Variants in CNR2 observed in about 807,000 individuals in gnomAD.
CNR2 encodes the protein cannabinoid receptor 2.
For synonymous variants in CNR2, 172 were observed against 182.2 expected (o/e 0.94, Z 0.45); for missense variants, 379 against 439.9 (o/e 0.86, Z 1.24).
intron 1 of CNR2, chr1:23,902,614 A>C (rs1432821729): frequency 3.7e-6 from 6 of 1,602,638 alleles, no homozygotes; most frequent in Non-Finnish European, 5.1e-6. Flanking sequence ...ACGGAGCTGC[A>C]GACAGCCAGG....
chr1:23,898,334 GCTTTTT>G (rs1203773609), intron 1 of CNR2, among the ~76,000 whole-genome samples: 57 of 4,750 alleles, frequency 0.012, 1 homozygote, highest in African/African-American at 0.028. Context: ...ACCGCGCCCG[GCTTTTT>G]TTTTTTTTTT....
At chr1:23,883,702 G>A (rs1253423937) in intron 1 of CNR2, among the ~76,000 whole-genome samples, 1 of 152,056 alleles carries the variant, frequency 6.6e-6, no homozygotes, top group Non-Finnish European at 1.5e-5. Flanking sequence ...GTGTGCGCCT[G>A]TAGTCCCACC....
rs1639807935 is a variant in CNR2, at chr1:23,873,723, T to G, written c.*812A>C. 1 of 152,166 alleles carries G rather than the reference T, an allele frequency of 6.6e-6. No homozygotes were observed. Among genetic ancestry groups the G allele is most frequent in the African/African-American group, 2.4e-5 (1 of 41,416 alleles). The allele number at this position is 152,166 out of a possible 1,614,324, so 9.4% of individuals were successfully genotyped here. A position where few individuals can be genotyped will look rare whatever the true frequency, so the allele number is the denominator to read the frequency against. ...GCAGATAGGGGAACAGTTTGGAGAT[T>G]TATACAATCTTTGTGAATATCTTCC... On this transcript the variant is annotated 3_prime_UTR_variant, in exon 2 of 2. Coordinates refer to ENST00000374472, the MANE Select transcript of CNR2 (RefSeq NM_001841.3).
Position 23,902,350 on chromosome 1 carries a change from G to A in CNR2, c.-46+10896C>T, listed in dbSNP as rs564372123. The A allele has an allele frequency of 1.1e-5, 18 of 1,576,480 alleles. No individual in the cohort carries two copies. In the East Asian group the frequency reaches 2.9e-4, roughly 26 times the overall value. ...GTCAGGTCGGGCTCCTCAAACAGCC[G>A]GCTCTGGGACAGCAGGACGCAGGCG... On this transcript the variant is annotated intron_variant, in intron 1 of 1. Transcript: ENST00000374472.
chr1:23,883,861 A>C (rs1640034642), intron 1 of CNR2, among the ~76,000 whole-genome samples: 1 of 145,752 alleles, frequency 6.9e-6, no homozygotes, highest in African/African-American at 2.6e-5. Flanking sequence ...CAAAAACAAA[A>C]AAACCCCCCA....
At chr1:23,893,003 G>A (rs550712814) in intron 1 of CNR2, among the ~76,000 whole-genome samples, 16 of 152,272 alleles carry the variant, frequency 1.1e-4, no homozygotes, top group African/African-American at 2.4e-4. Flanking sequence ...GCGACAGAGC[G>A]AGACTCTGTC....
At chr1:23,888,639 C>T (rs749498055) in intron 1 of CNR2, among the ~76,000 whole-genome samples, 6 of 151,976 alleles carry the variant, frequency 3.9e-5, no homozygotes, top group Non-Finnish European at 7.4e-5. Context: ...AAAAGAGAAG[C>T]GGGAGTCTTT....
Position 23,875,350 on chromosome 1 carries a change from T to C in CNR2, c.268A>G (p.Ser90Gly), listed in dbSNP as rs2148456155. ...DFLASVVFACSFVNFHVFHGV... is the reference protein window; with the variant it reads ...DFLASVVFACGFVNFHVFHGV... Reference sequence around the variant, plus strand: ...TGGAAAACATGGAAATTCACAAAGCTGCATGCAAAGACCACACTGGCCAGG... The same window carrying C: ...TGGAAAACATGGAAATTCACAAAGCCGCATGCAAAGACCACACTGGCCAGG... The change falls in exon 2 of 2, where the codon AGC becomes GGC. Residue 90 changes from serine to glycine, a missense_variant. By Grantham distance (56) the Ser-to-Gly change is moderately conservative. Coordinates refer to ENST00000374472, the MANE Select transcript of CNR2 (RefSeq NM_001841.3). 1 of 1,614,210 alleles carries C rather than the reference T, an allele frequency of 6.2e-7. No homozygotes were observed. Among genetic ancestry groups the C allele is most frequent in the Non-Finnish European group, 8.5e-7 (1 of 1,180,040 alleles).
chr1:23,903,237 C>CT (rs1268242927), intron 1 of CNR2, among the ~76,000 whole-genome samples: 1 of 152,182 alleles, frequency 6.6e-6, no homozygotes, highest in Admixed American at 6.5e-5. Context: ...GGTATTCTCT[C>CT]TGACACATGC....
At chr1:23,898,401 G>A (rs2148467599) in intron 1 of CNR2, among the ~76,000 whole-genome samples, 1 of 129,830 alleles carries the variant, frequency 7.7e-6, no homozygotes, top group East Asian at 2.3e-4. Context: ...GAGTGCAGTG[G>A]TATGATCTCA....
chr1:23,891,445 C>G lies in CNR2; in HGVS notation c.-45-15783G>C, dbSNP rs1027929302. 5.9e-5 allele frequency among the ~76,000 whole-genome samples: 9 copies of G among 151,742 alleles called. No homozygotes were observed. The South Asian group carries it at 6.2e-4, about 11-fold the overall frequency. On this transcript the variant is annotated intron_variant, in intron 1 of 1. Coordinates refer to ENST00000374472, the MANE Select transcript of CNR2 (RefSeq NM_001841.3). Reference sequence around the variant, plus strand: ...ACCAGCCTGGCCAACATGGTGAAACCCCACCTCTACTAAAAATACAAAAAT... The same window carrying G: ...ACCAGCCTGGCCAACATGGTGAAACGCCACCTCTACTAAAAATACAAAAAT...
intron 1 of CNR2, among the ~76,000 whole-genome samples, chr1:23,911,476 T>A (rs1298094142): frequency 6.6e-6 from 1 of 152,066 alleles, no homozygotes; most frequent in Admixed American, 6.6e-5. Context: ...ACGCTTATGT[T>A]CTGTGTGTCC....
intron 1 of CNR2, among the ~76,000 whole-genome samples, chr1:23,880,401 T>TCTC (rs1465118787): frequency 6.6e-6 from 1 of 151,910 alleles, no homozygotes; most frequent in Non-Finnish European, 1.5e-5. Flanking sequence ...CTGGTCTTGA[T>TCTC]CTGACCTCGT....
rs546181905 is a variant in CNR2 at position 23,872,533 on chromosome 1, A to G, written c.*2002T>C. 44 of 152,192 alleles carry G rather than the reference A, an allele frequency of 2.9e-4. No homozygotes were observed. The highest frequency in any genetic ancestry group is 1.1e-3 in the African/African-American group (44 of 41,546). 9.4% of individuals were successfully genotyped at this position (152,192 alleles called of 1,614,324 possible). On this transcript the variant is annotated 3_prime_UTR_variant, in exon 2 of 2. Coordinates refer to ENST00000374472, the MANE Select transcript of CNR2 (RefSeq NM_001841.3). ...TAATCAAGCAGAATTTGACTGAACT[A>G]GGACAAAAGGTTAGTGGTTAAGAGG...
chr1:23,886,911 T>C (rs1203259837), intron 1 of CNR2, among the ~76,000 whole-genome samples: 1 of 151,950 alleles, frequency 6.6e-6, no homozygotes, highest in East Asian at 1.9e-4. Flanking sequence ...TTTTGTTTTT[T>C]ATTTTTGTTT....
intron 1 of CNR2, among the ~76,000 whole-genome samples, chr1:23,903,982 G>A (rs867040318): frequency 3.9e-5 from 6 of 152,046 alleles, no homozygotes; most frequent in Non-Finnish European, 7.4e-5. Flanking sequence ...GCTTTCTCCC[G>A]GGGACTTCTC....
At chr1:23,876,634 G>A (rs1639880309) in intron 1 of CNR2, among the ~76,000 whole-genome samples, 1 of 151,730 alleles carries the variant, frequency 6.6e-6, no homozygotes, top group Non-Finnish European at 1.5e-5. Context: ...AGGAGATCGA[G>A]AACATCCTGG....
intron 1 of CNR2, among the ~76,000 whole-genome samples, chr1:23,886,886 C>T (rs1426690399): frequency 7.9e-5 from 6 of 75,836 alleles, no homozygotes; most frequent in East Asian, 4.1e-4. Flanking sequence ...ACACCCTTTG[C>T]GGTTTTTTTG....
chr1:23,895,083 A>G (rs1425512699), intron 1 of CNR2, among the ~76,000 whole-genome samples: 1 of 152,092 alleles, frequency 6.6e-6, no homozygotes, highest in Non-Finnish European at 1.5e-5. Flanking sequence ...TTAACCAGGC[A>G]TGGTGGCGTG....
Sources: allele counts gnomAD v4.1 joint callset (sites outside exome capture counted in the v4.1 genomes callset), GRCh38; gene constraint gnomAD v4.1.1; transcripts MANE v1.5; gene names NCBI Gene and HGNC (gene_info 2026-07-23, HGNC 2026-07-21).